The following SCN2A variants were observed in gnomAD, a reference collection of about 807,000 sequenced individuals.
SCN2A encodes sodium channel protein type 2 subunit alpha.
Under a neutral mutation model 188.7 loss-of-function variants are expected in SCN2A, and 20 were observed. That is an observed-to-expected ratio of 0.11 (90% CI 0.07 to 0.15). The LOEUF is 0.15. Among genes scored for constraint, SCN2A ranks in the 10% least tolerant of loss-of-function variants. The pLI, the probability that SCN2A is intolerant of heterozygous loss-of-function variation, is 1.00. For missense variants in SCN2A, 1,278 were observed against 2,445.0 expected (o/e 0.52, Z 10.07); for synonymous variants, 804 against 833.1 (o/e 0.97, Z 0.60).
At chr2:165,247,556 A>G (rs1693901308) in intron 1 of SCN2A, among the ~76,000 whole-genome samples, 1 of 152,052 alleles carries the variant, frequency 6.6e-6, no homozygotes, top group South Asian at 2.1e-4. Context: ...CTTCCGTTGG[A>G]TTTCAGGATA....
chr2:165,336,034 A>C (rs1010248896), intron 14 of SCN2A, among the ~76,000 whole-genome samples: 2 of 151,960 alleles, frequency 1.3e-5, no homozygotes, highest in Non-Finnish European at 2.9e-5. Context: ...AAGGCAAATC[A>C]AAACTAAAAT....
chr2:165,311,166 G>C (rs1324924394), intron 7 of SCN2A, among the ~76,000 whole-genome samples: 1 of 101,594 alleles, frequency 9.8e-6, no homozygotes, highest in East Asian at 2.1e-4. Flanking sequence ...TACCAGTTTA[G>C]TTTGATTATA....
intron 16 of SCN2A, among the ~76,000 whole-genome samples, chr2:165,348,287 A>G (rs762008470): frequency 8.8e-5 from 13 of 146,966 alleles, no homozygotes; most frequent in Admixed American, 6.9e-4. Context: ...TGAGCCTGGG[A>G]GGCAGAGGTG....
chr2:165,366,576 T>C (rs1700736433), intron 18 of SCN2A, among the ~76,000 whole-genome samples: 1 of 151,886 alleles, frequency 6.6e-6, no homozygotes, highest in Non-Finnish European at 1.5e-5. Flanking sequence ...CTACCGGGCG[T>C]AGTGGTATGT....
intron 14 of SCN2A, among the ~76,000 whole-genome samples, chr2:165,332,509 G>A (rs916305118): frequency 1.3e-5 from 2 of 151,912 alleles, no homozygotes; most frequent in Admixed American, 1.3e-4. Context: ...TTCGCAGTTG[G>A]GAAACTGTAT....
intron 25 of SCN2A, 107 bp from the exon 26 acceptor site, chr2:165,386,639 G>A (rs909393029): frequency 1.8e-6 from 2 of 1,110,168 alleles, no homozygotes; most frequent in Non-Finnish European, 2.6e-6. Flanking sequence ...GATTAAAGAT[G>A]TGTTTTTATA....
chr2:165,353,282 T>G (rs1268799685), intron 16 of SCN2A, among the ~76,000 whole-genome samples: 3 of 152,220 alleles, frequency 2.0e-5, no homozygotes, highest in Admixed American at 6.5e-5. Context: ...ATAATTGTCT[T>G]AATAAAAATT....
intron 1 of SCN2A, among the ~76,000 whole-genome samples, chr2:165,284,944 A>G (rs920817245): frequency 3.3e-5 from 5 of 152,190 alleles, no homozygotes; most frequent in Admixed American, 6.5e-5. Context: ...GCAGCAATGT[A>G]TTGCCAGTCT....
intron 1 of SCN2A, among the ~76,000 whole-genome samples, chr2:165,248,605 A>G (rs1380544238): frequency 6.6e-6 from 1 of 151,992 alleles, no homozygotes; most frequent in Middle Eastern, 3.4e-3. Context: ...CTTTGTTATC[A>G]TTTGCTTTGC....
At chr2:165,356,766 G>A (rs1700200752) in intron 17 of SCN2A, among the ~76,000 whole-genome samples, 1 of 152,120 alleles carries the variant, frequency 6.6e-6, no homozygotes, top group Non-Finnish European at 1.5e-5. Context: ...CGTGTATTTT[G>A]CCTTAACTTA....
intron 3 of SCN2A, among the ~76,000 whole-genome samples, chr2:165,298,114 G>A (rs1400441970): frequency 1.3e-5 from 2 of 152,160 alleles, no homozygotes; most frequent in African/African-American, 2.4e-5. Flanking sequence ...CAGAGGTAAG[G>A]CAGGGGAACT....
intron 1 of SCN2A, chr2:165,269,227 T>A (rs1695002793): frequency 6.6e-6 from 1 of 152,216 alleles, no homozygotes; most frequent in African/African-American, 2.4e-5. Flanking sequence ...ACAATGCAAA[T>A]ATTAAGTTGC....
intron 16 of SCN2A, among the ~76,000 whole-genome samples, chr2:165,349,977 T>A (rs1699801155): frequency 1.3e-5 from 2 of 152,198 alleles, no homozygotes; most frequent in African/African-American, 4.8e-5. Flanking sequence ...CAAATAGATG[T>A]AGTAGTCACA....
intron 1 of SCN2A, among the ~76,000 whole-genome samples, chr2:165,258,103 C>T (rs13426194): frequency 0.03 from 4,536 of 152,092 alleles, 218 homozygotes; most frequent in African/African-American, 0.099. Flanking sequence ...AATATTTTCT[C>T]CCATTCTGTA....
chr2:165,366,392 A>T (rs557967273), intron 18 of SCN2A, among the ~76,000 whole-genome samples: 1 of 152,296 alleles, frequency 6.6e-6, no homozygotes, highest in East Asian at 1.9e-4. Context: ...TGTTTATTGG[A>T]TTGTTATTGA....
intron 1 of SCN2A, among the ~76,000 whole-genome samples, chr2:165,288,468 G>T (rs1574505769): frequency 6.9e-6 from 1 of 145,844 alleles, no homozygotes. Context: ...AAAGAATATT[G>T]CTCAATGCAC....
At chr2:165,284,933 T>G (rs1695764570) in intron 1 of SCN2A, among the ~76,000 whole-genome samples, 1 of 152,174 alleles carries the variant, frequency 6.6e-6, no homozygotes, top group South Asian at 2.1e-4. Flanking sequence ...TTTAAAACGT[T>G]GCAGCAATGT....
At chr2:165,308,848 C>A in intron 5 of SCN2A, 54 bp downstream of exon 5, 1 of 1,605,422 alleles carries the variant, frequency 6.2e-7, no homozygotes, top group Non-Finnish European at 8.5e-7. Context: ...TGGTGGGAGC[C>A]TATACTATAT....
chr2:165,296,949 CT>C, intron 2 of SCN2A, 67 bp from the exon 3 acceptor site: 1 of 849,242 alleles, frequency 1.2e-6, no homozygotes, highest in Non-Finnish European at 1.9e-6. Flanking sequence ...AATGGTTTTA[CT>C]TTTCTCTTAA....
Sources: allele counts gnomAD v4.1 joint callset (sites outside exome capture counted in the v4.1 genomes callset), GRCh38; gene constraint gnomAD v4.1.1; transcripts MANE v1.5; gene names NCBI Gene and HGNC (gene_info 2026-07-23, HGNC 2026-07-21).